SPAG16: variants seen among roughly 807,000 people sequenced by gnomAD.
SPAG16 encodes the protein sperm-associated antigen 16 protein.
Under a neutral mutation model 80.4 loss-of-function variants are expected in SPAG16, and 86 were observed. The observed-to-expected ratio is 1.07, with a 90% confidence interval of 0.90 to 1.28. The LOEUF (loss-of-function observed/expected upper bound fraction) is 1.28, where lower values mean the gene tolerates loss of function less well. SPAG16 is among the 50% of genes most tolerant of loss of function. SPAG16 has a pLI of 0.00. For synonymous variants in SPAG16, 294 were observed against 265.9 expected, an observed-to-expected ratio of 1.11 and a Z score of -1.03; for missense variants, 870 against 765.3, an observed-to-expected ratio of 1.14 and a Z score of -1.61.
chr2:213,833,517 ATATAATATATATAT>A lies in SPAG16; in HGVS notation c.1071-28963_1071-28950del, dbSNP rs2073864180. Reference sequence around the variant, plus strand: ...ATAATATATATATTATATATAATATATATAATATATATATTATATATAATATATATAATATATAT... The same window carrying A: ...ATAATATATATATTATATATAATATATATATATAATATATATAATATATAT... On this transcript the variant is annotated intron_variant, in intron 10 of 15. Transcript: ENST00000331683. Among the ~76,000 whole-genome samples, 3 of 5,366 alleles carry A rather than the reference ATATAATATATATAT, an allele frequency of 5.6e-4. 1 individual carries two copies. Among genetic ancestry groups the A allele is most frequent in the Non-Finnish European group, 7.3e-4 (2 of 2,748 alleles). The allele number at this position is 5,366 out of a possible 152,430, so 3.5% of individuals were successfully genotyped here. A position where few individuals can be genotyped will look rare whatever the true frequency, so the allele number is the denominator to read the frequency against.
At chr2:214,060,863 T>C (rs1316271103) in intron 13 of SPAG16, among the ~76,000 whole-genome samples, 1 of 152,090 alleles carries the variant, frequency 6.6e-6, no homozygotes, top group Non-Finnish European at 1.5e-5. Flanking sequence ...ATTATAAAAC[T>C]AGAATTAAAA....
intron 9 of SPAG16, among the ~76,000 whole-genome samples, chr2:213,462,125 T>C (rs531524581): frequency 1.3e-5 from 2 of 152,316 alleles, no homozygotes; most frequent in South Asian, 4.1e-4. Flanking sequence ...AGGCATTGTG[T>C]AGTACAATTT....
At chr2:213,890,307 A>C (rs1001592887) in intron 11 of SPAG16, among the ~76,000 whole-genome samples, 10 of 152,072 alleles carry the variant, frequency 6.6e-5, no homozygotes, top group Non-Finnish European at 1.3e-4. Flanking sequence ...ATCTGAAAAC[A>C]TATTAGTAAG....
intron 9 of SPAG16, among the ~76,000 whole-genome samples, chr2:213,455,014 C>G (rs1262385187): frequency 3.3e-5 from 5 of 152,086 alleles, no homozygotes; most frequent in African/African-American, 1.2e-4. Flanking sequence ...TTGAAATAAT[C>G]TAGAGTTCAT....
intron 10 of SPAG16, among the ~76,000 whole-genome samples, chr2:213,627,591 G>C (rs10203782): frequency 0.35 from 53,385 of 151,994 alleles, 9,775 homozygotes; most frequent in Middle Eastern, 0.5. Context: ...TTAGTTGTCT[G>C]TCTCCTTTAC....
chr2:213,551,034 A>G (rs2076763885), intron 10 of SPAG16, among the ~76,000 whole-genome samples: 1 of 152,186 alleles, frequency 6.6e-6, no homozygotes, highest in South Asian at 2.1e-4. Flanking sequence ...AGAAAAATTC[A>G]GAATTTTCCT....
At chr2:214,246,947 T>C (rs775299802) in intron 15 of SPAG16, among the ~76,000 whole-genome samples, 2 of 152,170 alleles carry the variant, frequency 1.3e-5, no homozygotes, top group African/African-American at 2.4e-5. Context: ...CCTTGAATTG[T>C]TTCAGGAAAA....
At chr2:214,067,561 A>G (rs904298985) in intron 13 of SPAG16, among the ~76,000 whole-genome samples, 64 of 152,216 alleles carry the variant, frequency 4.2e-4, no homozygotes, top group African/African-American at 1.4e-3. Context: ...GCGTACACTT[A>G]TAAAATATAC....
At chr2:213,873,784 G>A (rs975702945) in intron 11 of SPAG16, among the ~76,000 whole-genome samples, 1 of 151,636 alleles carries the variant, frequency 6.6e-6, no homozygotes, top group African/African-American at 2.4e-5. Flanking sequence ...CCATATATAT[G>A]TCATGTGCTG....
intron 9 of SPAG16, among the ~76,000 whole-genome samples, chr2:213,425,939 C>A (rs1482453169): frequency 6.6e-6 from 1 of 152,084 alleles, no homozygotes; most frequent in African/African-American, 2.4e-5. Flanking sequence ...GAGCCTGGAG[C>A]ATGTTGTAGT....
At chr2:214,064,726 T>C (rs1234865693) in intron 13 of SPAG16, among the ~76,000 whole-genome samples, 1 of 152,086 alleles carries the variant, frequency 6.6e-6, no homozygotes, top group African/African-American at 2.4e-5. Context: ...CACATGGCAG[T>C]TTTCTAGCCT....
At chr2:213,422,808 T>G (rs1229140655) in intron 9 of SPAG16, among the ~76,000 whole-genome samples, 1 of 152,230 alleles carries the variant, frequency 6.6e-6, no homozygotes, top group Non-Finnish European at 1.5e-5. Context: ...TTGCTACCAT[T>G]TTTCCCATCT....
At chr2:213,484,477 G>A (rs1310720093) in intron 9 of SPAG16, among the ~76,000 whole-genome samples, 3 of 152,122 alleles carry the variant, frequency 2.0e-5, no homozygotes, top group South Asian at 2.1e-4. Flanking sequence ...GTTTGTCAGC[G>A]GGTAATGGGC....
At chr2:214,015,549 AATC>A (rs1265546527) in intron 13 of SPAG16, among the ~76,000 whole-genome samples, 1 of 151,732 alleles carries the variant, frequency 6.6e-6, no homozygotes, top group Non-Finnish European at 1.5e-5. Context: ...AGTGAGCCGA[AATC>A]ATGCCATTGC....
chr2:213,838,053 T>G (rs574764229), intron 10 of SPAG16, among the ~76,000 whole-genome samples: 23 of 152,202 alleles, frequency 1.5e-4, no homozygotes, highest in African/African-American at 5.5e-4. Context: ...TTGCTGCCGT[T>G]CTTACGGTTG....
intron 15 of SPAG16, among the ~76,000 whole-genome samples, chr2:214,311,226 C>T (rs146598706): frequency 5.3e-5 from 8 of 152,226 alleles, no homozygotes; most frequent in Non-Finnish European, 1.2e-4. Context: ...TCAGCACACT[C>T]GAAGGACTAT....
intron 13 of SPAG16, among the ~76,000 whole-genome samples, chr2:214,088,855 C>T (rs1237695854): frequency 6.6e-6 from 1 of 151,880 alleles, no homozygotes; most frequent in Admixed American, 6.6e-5. Context: ...ATAGCCTGCT[C>T]ACTGTATAAA....
intron 15 of SPAG16, among the ~76,000 whole-genome samples, chr2:214,169,611 GA>G (rs2056798101): frequency 6.6e-6 from 1 of 152,004 alleles, no homozygotes; most frequent in African/African-American, 2.4e-5. Flanking sequence ...CTGTTGAATA[GA>G]AACTTCTTTT....
intron 10 of SPAG16, among the ~76,000 whole-genome samples, chr2:213,591,379 G>C (rs2060684034): frequency 6.6e-6 from 1 of 152,092 alleles, no homozygotes; most frequent in Non-Finnish European, 1.5e-5. Context: ...TTAGTAGTAA[G>C]AATTATATAA....
Sources: allele counts gnomAD v4.1 joint callset (sites outside exome capture counted in the v4.1 genomes callset), GRCh38; gene constraint gnomAD v4.1.1; transcripts MANE v1.5; gene names NCBI Gene and HGNC (gene_info 2026-07-23, HGNC 2026-07-21).